COL4A6: variants seen among roughly 807,000 people sequenced by gnomAD.
COL4A6 encodes the protein collagen type IV alpha 6 chain.
A neutral mutation model predicts 126.7 loss-of-function variants in COL4A6; 59 were observed. That is an observed-to-expected ratio of 0.47 (90% CI 0.38 to 0.58). The LOEUF is 0.58. Among genes scored for constraint, COL4A6 ranks in the 20% least tolerant of loss-of-function variants. The probability of loss-of-function intolerance (pLI) is 0.00; values close to 1 mark genes in which losing one functional copy is unlikely to be tolerated. For synonymous variants in COL4A6, 547 were observed against 496.6 expected (o/e 1.10, Z -1.35); for missense variants, 1,285 against 1,337.3 (o/e 0.96, Z 0.61).
intron 3 of COL4A6, among the ~76,000 whole-genome samples, chrX:108,293,597 TC>T (rs201116293): frequency 0.03 from 3,346 of 111,454 alleles, 118 homozygotes; most frequent in African/African-American, 0.1. Context: ...ATTTGGGACT[TC>T]GGATTCTACC....
intron 2 of COL4A6, among the ~76,000 whole-genome samples, chrX:108,407,452 A>G (rs1224026586): frequency 8.9e-6 from 1 of 112,581 alleles, no homozygotes; most frequent in Admixed American, 9.4e-5. Flanking sequence ...AATTAGGGGT[A>G]ATAGTAAGCT....
chrX:108,312,715 A>G (rs1487474175), intron 2 of COL4A6, among the ~76,000 whole-genome samples: 1 of 112,414 alleles, frequency 8.9e-6, no homozygotes, highest in Non-Finnish European at 1.9e-5. Context: ...ACAAAATAAT[A>G]CATAATATTA....
At chrX:108,343,165 A>ATAGTGTGTGTGT (rs1377817612) in intron 2 of COL4A6, among the ~76,000 whole-genome samples, 42 of 31,390 alleles carry the variant, frequency 1.3e-3, no homozygotes, top group African/African-American at 3.5e-3. Flanking sequence ...ATATATATAT[A>ATAGTGTGTGTGT]GTGTGTGTGT....
rs143602222 is a variant in COL4A6, at chrX:108,262,376, C to T, written c.145-41002G>A. Among the ~76,000 whole-genome samples the T allele has an allele frequency of 7.5e-3, 834 of 111,107 alleles. 7 individuals are homozygous for T. Among genetic ancestry groups the T allele is most frequent in the Non-Finnish European group, 0.011 (603 of 52,858 alleles). On this transcript the variant is annotated intron_variant, in intron 3 of 44. Coordinates refer to ENST00000334504, the MANE Select transcript of COL4A6 (RefSeq NM_033641.4). ...CCTCAGGCTGTATTTGTGAGGTCCTCCAAGACAGTCATGGCTCTTCCTTCC... is the reference window on the plus strand; with the variant it reads ...CCTCAGGCTGTATTTGTGAGGTCCTTCAAGACAGTCATGGCTCTTCCTTCC...
At chrX:108,398,568 T>G (rs1167517766) in intron 2 of COL4A6, among the ~76,000 whole-genome samples, 3 of 111,437 alleles carry the variant, frequency 2.7e-5, no homozygotes, top group Non-Finnish European at 5.7e-5. Flanking sequence ...TACAGTTCTA[T>G]TCATCATGCA....
Position 108,205,700 on chromosome X carries a change from AT to A in COL4A6, c.610-6del, listed in dbSNP as rs762449722. The A allele has an allele frequency of 5.0e-6, 6 of 1,200,500 alleles. No individual in the cohort carries two copies. Among genetic ancestry groups the A allele is most frequent in the Non-Finnish European group, 6.7e-6 (6 of 889,228 alleles). Reference sequence around the variant, plus strand: ...ACCAGGAGGCCCTGGAGGACCCTAGATTTTTTTTAAAAATAAGAAAGAGTTA... The same window carrying A: ...ACCAGGAGGCCCTGGAGGACCCTAGATTTTTTTAAAAATAAGAAAGAGTTA... On this transcript the variant is annotated splice_polypyrimidine_tract_variant and splice_region_variant and intron_variant, in intron 9 of 44. Transcript: ENST00000334504.
upstream of COL4A6, chrX:108,439,340 A>T (rs778289161): frequency 5.1e-6 from 4 of 781,070 alleles, no homozygotes; most frequent in Middle Eastern, 3.5e-4. Context: ...ATTCACGCAC[A>T]TATACTTATT....
intron 3 of COL4A6, among the ~76,000 whole-genome samples, chrX:108,243,322 T>C (rs994401490): frequency 9.0e-6 from 1 of 110,934 alleles, no homozygotes; most frequent in Non-Finnish European, 1.9e-5. Flanking sequence ...TGTGACTGTA[T>C]TGGAGATGAG....
Position 108,316,030 on chromosome X carries a change from T to C in COL4A6, c.64-5202A>G, listed in dbSNP as rs889117371. Among the ~76,000 whole-genome samples the C allele has an allele frequency of 7.1e-5, 8 of 111,892 alleles. No individual in the cohort carries two copies. The South Asian group carries it at 1.1e-3, about 16-fold the overall frequency. On this transcript the variant is annotated intron_variant, in intron 2 of 44. Coordinates refer to ENST00000334504, the MANE Select transcript of COL4A6 (RefSeq NM_033641.4). ...TCACAGTGCCTCTACCACCAACCAA[T>C]AGGCTTTTCTAGGCATCACCAGTGC...
chrX:108,238,471 C>A (rs947711953), intron 3 of COL4A6, among the ~76,000 whole-genome samples: 3 of 110,018 alleles, frequency 2.7e-5, no homozygotes, highest in Admixed American at 9.9e-5. Context: ...ATTTCTCATT[C>A]TTGCTCAAGA....
intron 2 of COL4A6, among the ~76,000 whole-genome samples, chrX:108,383,223 A>C (rs1459408149): frequency 9.0e-6 from 1 of 111,101 alleles, no homozygotes; most frequent in Non-Finnish European, 1.9e-5. Flanking sequence ...AAAGAGTCAC[A>C]CTTTAAATAA....
rs765796155 is a variant in COL4A6 at position 108,192,580 on chromosome X, C to T, written c.1073G>A (p.Gly358Asp). The T allele has an allele frequency of 1.7e-6, 2 of 1,163,472 alleles. No individual in the cohort carries two copies. The highest frequency in any genetic ancestry group is 1.8e-5 in the African/African-American group (1 of 56,669). Reference sequence around the variant, plus strand: ...AGGTACACCAGGATCTCCAGGATTACCTGGCATTGTAATGAAAGAAAATAG... The same window carrying T: ...AGGTACACCAGGATCTCCAGGATTATCTGGCATTGTAATGAAAGAAAATAG... ...FIDIDGAVISGNPGDPGVPGL... is the reference protein window; with the variant it reads ...FIDIDGAVISDNPGDPGVPGL... The change falls in exon 18 of 45, where the codon GGT becomes GAT. Residue 358 changes from glycine (G) to aspartate (D), a missense_variant and splice_region_variant. Physicochemically the swap from Gly to Asp is moderately conservative, Grantham distance 94. Coordinates refer to ENST00000334504, the MANE Select transcript of COL4A6 (RefSeq NM_033641.4).
chrX:108,376,170 T>C (rs994246792), intron 2 of COL4A6, among the ~76,000 whole-genome samples: 2 of 111,880 alleles, frequency 1.8e-5, no homozygotes, highest in Non-Finnish European at 3.8e-5. Flanking sequence ...AAAATGATTA[T>C]TTTTTTCTGT....
chrX:108,275,170 G>A (rs779330496), intron 3 of COL4A6, among the ~76,000 whole-genome samples: 14 of 111,139 alleles, frequency 1.3e-4, no homozygotes, highest in African/African-American at 3.9e-4. Context: ...TGTATTACTT[G>A]GGAGGAAAGG....
chrX:108,276,758 G>A (rs1251663118), intron 3 of COL4A6, among the ~76,000 whole-genome samples: 1 of 111,751 alleles, frequency 8.9e-6, no homozygotes, highest in Non-Finnish European at 1.9e-5. Context: ...AAGCCACTCT[G>A]CCATTTTAAA....
chrX:108,157,577 G>C (rs916897323), intron 44 of COL4A6, among the ~76,000 whole-genome samples: 1 of 111,601 alleles, frequency 9.0e-6, no homozygotes, highest in Non-Finnish European at 1.9e-5. Context: ...GGGTTCAGAG[G>C]TGTGTTAGGT....
rs1447956002 is a variant in COL4A6 at position 108,168,882 on chromosome X, A to G, written c.3691+613T>C. On this transcript the variant is annotated intron_variant, in intron 37 of 44. Transcript: ENST00000334504. ...TACACGGGTTTTTGGAACTTTCCTG[A>G]GGAAAAGTTGAAGAACACAAGTCAT... Among the ~76,000 whole-genome samples the G allele has an allele frequency of 2.7e-5, 3 of 111,661 alleles. No individual in the cohort carries two copies. In the Admixed American group the frequency reaches 2.8e-4, roughly 11 times the overall value.
At chrX:108,323,986 A>C (rs1047144963) in intron 2 of COL4A6, among the ~76,000 whole-genome samples, 7 of 112,652 alleles carry the variant, frequency 6.2e-5, no homozygotes, top group African/African-American at 2.3e-4. Context: ...GTATACAGTG[A>C]GTGTCATGGC....
chrX:108,177,158 A>G (rs1355815757), intron 27 of COL4A6, 147 bp from the exon 28 acceptor site: 5 of 491,075 alleles, frequency 1.0e-5, no homozygotes, highest in Middle Eastern at 6.0e-4. Flanking sequence ...CAAACTGCTA[A>G]CAGGCAGAGT....
Sources: gnomAD v4.1 joint callset for allele counts (sites outside exome capture counted in the v4.1 genomes callset) on GRCh38, gnomAD v4.1.1 for gene constraint, MANE v1.5 for transcripts, NCBI Gene and HGNC (gene_info 2026-07-23, HGNC 2026-07-21) for gene names.